Variants in TTN observed in about 807,000 individuals in gnomAD.
TTN encodes the protein titin.
Under a neutral mutation model 3,223.0 loss-of-function variants are expected in TTN, and 1,525 were observed. The observed-to-expected ratio is 0.47, with a 90% CI of 0.45 to 0.49. The LOEUF (loss-of-function observed/expected upper bound fraction) is 0.49, where lower values mean the gene tolerates loss of function less well. TTN is among the 20% of genes least tolerant of loss of function. The pLI is 0.00. For missense variants in TTN, 40,786 were observed against 43,424.0 expected (o/e 0.94, Z 5.40); for synonymous variants, 14,094 against 15,161.0 (o/e 0.93, Z 5.17).
In TTN at chr2:178,771,413, C is replaced by T. The variant is rs770287473; in HGVS notation, c.7914G>A (p.Val2638=). The change falls in exon 34 of 363, where the codon GTG becomes GTA. Residue 2638 remains valine (V), a synonymous_variant. Coordinates refer to ENST00000589042, the MANE Select transcript of TTN (RefSeq NM_001267550.2). Reference sequence around the variant, plus strand: ...CTGGGTTGGCAACTTCACATTCAAACACAGCTTCCTGGGATTCAGCTACGG... The same window carrying T: ...CTGGGTTGGCAACTTCACATTCAAATACAGCTTCCTGGGATTCAGCTACGG... ...DQTVAESQEA[V]FECEVANPDS... is the part of the protein sequence containing the mutation. 11 of 1,613,876 alleles carry T rather than the reference C, an allele frequency of 6.8e-6. No individual in the cohort carries two copies. Among genetic ancestry groups the T allele is most frequent in the Non-Finnish European group, 9.3e-6 (11 of 1,179,910 alleles).
rs571735888 is a variant in TTN at position 178,753,250 on chromosome 2, T to C, written c.11255-70A>G. ...TATATTTTCTGCATCAATTCATGACTTGTATGATTAAAGTTTTCTTTTTAT... is the reference window on the plus strand; with the variant it reads ...TATATTTTCTGCATCAATTCATGACCTGTATGATTAAAGTTTTCTTTTTAT... On this transcript the variant is annotated intron_variant, in intron 46 of 362. Transcript: ENST00000589042. 1.9e-4 allele frequency: 239 copies of C among 1,250,882 alleles called. No individual in the cohort carries two copies. The African/African-American group carries it at 3.2e-3, about 17-fold the overall frequency. The allele number at this position is 1,250,882 out of a possible 1,614,324, so 77.5% of individuals were successfully genotyped here.
rs766659214 is a variant in TTN, at chr2:178,553,411, T to C, written c.89504-15A>G. 6.3e-7 allele frequency: 1 copy of C among 1,582,416 alleles called. No homozygotes were observed. Among genetic ancestry groups the C allele is most frequent in the Non-Finnish European group, 8.6e-7 (1 of 1,164,662 alleles). On this transcript the variant is annotated splice_polypyrimidine_tract_variant and intron_variant, in intron 334 of 362. Transcript: ENST00000589042. ...CTCTGGTGCCTCTGTAGACATAAAATGGATACATACAGTGAATTTTAAAAG... is the reference window on the plus strand; with the variant it reads ...CTCTGGTGCCTCTGTAGACATAAAACGGATACATACAGTGAATTTTAAAAG...
chr2:178,730,174 C>T lies in TTN; in HGVS notation c.18226G>A (p.Ala6076Thr). The T allele has an allele frequency of 1.2e-6, 2 of 1,613,468 alleles. No homozygotes were observed. The highest frequency in any genetic ancestry group is 1.7e-6 in the Non-Finnish European group (2 of 1,179,672). Reference protein sequence around the residue: ...STSLELFAAKATDSGTYICQL... With the variant: ...STSLELFAAKTTDSGTYICQL... ...CAAATGTAGGTTCCAGAATCGGTAG[C>T]TTTGGCTGCAAAGAGCTCTAGACTG... The change falls in exon 62 of 363, where the codon GCT (alanine) becomes ACT (threonine). Residue 6076 changes from alanine to threonine, a missense_variant. Coordinates refer to ENST00000589042, the MANE Select transcript of TTN (RefSeq NM_001267550.2).
At position 178,610,279 on chromosome 2, in the gene TTN, C is replaced by T; in HGVS notation, c.51247G>A (p.Val17083Ile). ...FDGGTPILHY[V>I]LERREAGRRT... ...CTCCCAGCTTCTCTGCGCTCCAGGA[C>T]ATAATGAAGAATTGGGGTTCCACCA... Residue 17083 changes from valine (V) to isoleucine (I), a missense_variant, in exon 271 of 363, where the codon GTC (valine) becomes ATC (isoleucine). By Grantham distance (29) the Val-to-Ile change is conservative (BLOSUM62 3). Transcript: ENST00000589042. 1 of 1,612,946 alleles carries T rather than the reference C, an allele frequency of 6.2e-7. No individual in the cohort carries two copies. Among genetic ancestry groups the T allele is most frequent in the Non-Finnish European group, 8.5e-7 (1 of 1,179,248 alleles).
At chr2:178,766,953 AG>A (rs2090550968) in intron 40 of TTN, among the ~76,000 whole-genome samples, 1 of 152,230 alleles carries the variant, frequency 6.6e-6, no homozygotes, top group Admixed American at 6.5e-5. Context: ...TTGTCTAAAA[AG>A]TTATTACTTA....
chr2:178,800,043 G>T, intron 4 of TTN, 133 bp from the exon 5 acceptor site: 3 of 962,168 alleles, frequency 3.1e-6, no homozygotes, highest in Non-Finnish European at 4.7e-6. Flanking sequence ...GAAAGTTTTG[G>T]ATTTTGCATG....
rs569610199 is a variant in TTN at position 178,796,200 on chromosome 2, A to T, written c.915-948T>A. On this transcript the variant is annotated intron_variant, in intron 6 of 362. Coordinates refer to ENST00000589042, the MANE Select transcript of TTN (RefSeq NM_001267550.2). ...TTCTGGGGATTGGCCAACTATTGTA[A>T]GGTAAAATTTTTTTCAGAACTGATT... Among the ~76,000 whole-genome samples, 375 of 151,632 alleles carry T rather than the reference A, an allele frequency of 2.5e-3. 3 individuals are homozygous for T. Among genetic ancestry groups the T allele is most frequent in the African/African-American group, 8.7e-3 (356 of 40,952 alleles).
Position 178,591,175 on chromosome 2 carries a change from C to T in TTN, c.60550G>A (p.Val20184Ile), listed in dbSNP as rs564621227. Residue 20184 changes from valine (V) to isoleucine (I), a missense_variant, in exon 304 of 363, where the codon GTT becomes ATT. By Grantham distance (29) the Val-to-Ile change is conservative (BLOSUM62 3). Coordinates refer to ENST00000589042, the MANE Select transcript of TTN (RefSeq NM_001267550.2). ...GAGATAGTCATGTGTTCAGGAGTAA[C>T]ATCCAGAATATTAATAGGACCTGTT... ...PPTGPINILDVTPEHMTISWQ... is the reference protein window; with the variant it reads ...PPTGPINILDITPEHMTISWQ... 4.3e-5 allele frequency: 70 copies of T among 1,613,340 alleles called. No individual in the cohort carries two copies. The highest frequency in any genetic ancestry group is 5.7e-5 in the Non-Finnish European group (67 of 1,179,542).
At chr2:178,545,237 G>A (rs1696522986) in intron 344 of TTN, 151 bp downstream of exon 344, 1 of 624,986 alleles carries the variant, frequency 1.6e-6, no homozygotes, top group Non-Finnish European at 2.4e-6. Context: ...AATGTTCTCT[G>A]ACTTAAGCTA....
Position 178,746,144 on chromosome 2 carries a change from C to T in TTN, c.11312-4223G>A, listed in dbSNP as rs776179768. The T allele has an allele frequency of 1.6e-5, 26 of 1,613,248 alleles. No homozygotes were observed. The East Asian group carries it at 4.9e-4, about 30-fold the overall frequency. On this transcript the variant is annotated intron_variant, in intron 47 of 362. Transcript: ENST00000589042. The stretch of plus-strand genomic sequence containing the variant: ...GTATTTAATATTATCTGGCTCAATA[C>T]ACATATATTCTTTATACCACTTAAC...
rs1217157718 is a variant in TTN at position 178,594,206 on chromosome 2, A to G, written c.58187T>C (p.Leu19396Pro). 2.5e-6 allele frequency: 4 copies of G among 1,613,302 alleles called. No individual in the cohort carries two copies. In the South Asian group the frequency reaches 4.4e-5, roughly 18 times the overall value. Residue 19396 changes from leucine (L) to proline (P), a missense_variant, in exon 297 of 363, where the codon CTC (leucine) becomes CCC (proline). Physicochemically the swap from Leu to Pro is moderately conservative, Grantham distance 98. Transcript: ENST00000589042. The part of the protein sequence containing the change: ...PTLHLDFRDK[L>P]TIRVGEAFAL... ...AAAAGCTTCACCAACTCGAATCGTGAGCTTATCTCTGAAGTCGAGGTGAAG... is the reference window on the plus strand; with the variant it reads ...AAAAGCTTCACCAACTCGAATCGTGGGCTTATCTCTGAAGTCGAGGTGAAG...
intron 37 of TTN, 140 bp from the exon 38 acceptor site, chr2:178,769,073 A>G (rs977786632): frequency 7.3e-6 from 7 of 954,514 alleles, no homozygotes; most frequent in African/African-American, 1.6e-5. Flanking sequence ...AAGCTTTGAT[A>G]CCTTCCATGT....
chr2:178,585,387 G>A, intron 308 of TTN, 40 bp from the exon 309 acceptor site: 1 of 1,528,524 alleles, frequency 6.5e-7, no homozygotes, highest in Non-Finnish European at 8.8e-7. Flanking sequence ...TGGGAAGGTG[G>A]ATAAGTTTCT....
Position 178,572,565 on chromosome 2 carries a change from G to T in TTN, c.73567C>A (p.Pro24523Thr), listed in dbSNP as rs1280513533. The T allele has an allele frequency of 6.2e-7, 1 of 1,613,394 alleles. No homozygotes were observed. The highest frequency in any genetic ancestry group is 1.7e-5 in the Admixed American group (1 of 59,996). The change falls in exon 326 of 363, where the codon CCA (proline) becomes ACA (threonine). Residue 24523 changes from proline (P) to threonine (T), a missense_variant. Coordinates refer to ENST00000589042, the MANE Select transcript of TTN (RefSeq NM_001267550.2). ...NVRVLDTPGPPQDLKVKEVTK... is the reference protein window; with the variant it reads ...NVRVLDTPGPTQDLKVKEVTK... Reference sequence around the variant, plus strand: ...ACCTCTTTTACCTTCAGATCCTGTGGGGGGCCTGGTGTATCGAGAACTCTA... The same window carrying T: ...ACCTCTTTTACCTTCAGATCCTGTGTGGGGCCTGGTGTATCGAGAACTCTA...
chr2:178,537,679 G>C lies in TTN; in HGVS notation c.99528C>G (p.Thr33176=). 6.2e-7 allele frequency: 1 copy of C among 1,613,772 alleles called. No individual in the cohort carries two copies. The highest frequency in any genetic ancestry group is 8.5e-7 in the Non-Finnish European group (1 of 1,179,776). Residue 33176 remains threonine, a synonymous_variant, in exon 355 of 363, where the codon ACC becomes ACG. Transcript: ENST00000589042. ...EDEGVYTCIA[T]NEVGEVETSS... ...TGGTTTCTACTTCTCCAACCTCATTGGTGGCTATGCAGGTATAAACACCTT... is the reference window on the plus strand; with the variant it reads ...TGGTTTCTACTTCTCCAACCTCATTCGTGGCTATGCAGGTATAAACACCTT...
Position 178,602,605 on chromosome 2 carries a change from A to G in TTN, c.54812-15T>C. ...CCCCGGTGGAACTAATAACAAAAGA[A>G]AAAAAAAAGCTTCATCAGATTTTGA... is the stretch of plus-strand genomic sequence containing the variant. On this transcript the variant is annotated splice_polypyrimidine_tract_variant and intron_variant, in intron 282 of 362. Coordinates refer to ENST00000589042, the MANE Select transcript of TTN (RefSeq NM_001267550.2). The G allele has an allele frequency of 6.8e-7, 1 of 1,465,664 alleles. No individual in the cohort carries two copies. The highest frequency in any genetic ancestry group is 9.0e-7 in the Non-Finnish European group (1 of 1,110,718). 90.8% of individuals were successfully genotyped at this position (1,465,664 alleles called of 1,614,324 possible). A position where few individuals can be genotyped will look rare whatever the true frequency, so the allele number is the denominator to read the frequency against.
At position 178,533,467 on chromosome 2, in the gene TTN, T is replaced by G; in HGVS notation, c.103148A>C (p.Glu34383Ala). The G allele has an allele frequency of 6.2e-7, 1 of 1,613,652 alleles. No homozygotes were observed. The highest frequency in any genetic ancestry group is 8.5e-7 in the Non-Finnish European group (1 of 1,179,614). ...ECQEGQSVCF[E>A]IRVSGIPPPT... The stretch of plus-strand genomic sequence containing the variant: ...TGGGGGGATGCCAGACACTCTGATC[T>G]CAAAGCAGACACTTTGGCCTTCTTG... Residue 34383 changes from glutamate to alanine, a missense_variant, in exon 358 of 363, where the codon GAG becomes GCG. Transcript: ENST00000589042.
chr2:178,641,220 A>C (rs1381542037), intron 220 of TTN, 21 bp downstream of exon 220: 2 of 1,455,576 alleles, frequency 1.4e-6, no homozygotes, highest in Admixed American at 2.3e-5. Context: ...TAATCTTACA[A>C]ATTGTCACTG....
At position 178,569,354 on chromosome 2, in the gene TTN, A is replaced by T. The variant is rs547186080; in HGVS notation, c.76778T>A (p.Phe25593Tyr). Residue 25593 changes from phenylalanine to tyrosine, a missense_variant, in exon 326 of 363, where the codon TTT becomes TAT. Physicochemically the swap from Phe to Tyr is conservative, Grantham distance 22 (BLOSUM62 3). Transcript: ENST00000589042. Reference sequence around the variant, plus strand: ...CGTGTCCAGAACTCTCACAGTAACAAAGGCAGACTTTGTTCCACTGCTGTT... The same window carrying T: ...CGTGTCCAGAACTCTCACAGTAACATAGGCAGACTTTGTTCCACTGCTGTT... ...LENSSGTKSA[F>Y]VTVRVLDTPS... is the part of the protein sequence containing the mutation. 13 of 1,613,324 alleles carry T rather than the reference A, an allele frequency of 8.1e-6. No homozygotes were observed. Among genetic ancestry groups the T allele is most frequent in the Non-Finnish European group, 1.0e-5 (12 of 1,179,570 alleles).
Sources: allele counts gnomAD v4.1 joint callset (sites outside exome capture counted in the v4.1 genomes callset), GRCh38; gene constraint gnomAD v4.1.1; transcripts MANE v1.5; gene names NCBI Gene and HGNC (gene_info 2026-07-23, HGNC 2026-07-21).